The following DCC variants were observed in gnomAD, a reference collection of about 807,000 sequenced individuals.
The protein encoded by DCC is DCC netrin 1 receptor.
In DCC, 58 loss-of-function variants were observed where a neutral mutation model predicts 172.5. The observed-to-expected ratio is 0.34, with a 90% CI of 0.27 to 0.42. The LOEUF (loss-of-function observed/expected upper bound fraction) is 0.42, where lower values mean the gene tolerates loss of function less well. Among genes scored for constraint, DCC ranks in the 10% least tolerant of loss-of-function variants. DCC has a pLI of 1.00. For missense variants in DCC, 1,740 were observed against 1,791.0 expected (o/e 0.97, Z 0.51); for synonymous variants, 709 against 644.5 (o/e 1.10, Z -1.52).
chr18:53,222,390 T>TC (rs2055952849), intron 12 of DCC, among the ~76,000 whole-genome samples: 1 of 131,562 alleles, frequency 7.6e-6, no homozygotes, highest in Admixed American at 7.5e-5. Flanking sequence ...TTTCTTTTTT[T>TC]TTTTTTTTTT....
intron 5 of DCC, among the ~76,000 whole-genome samples, chr18:53,013,777 G>C (rs2041766597): frequency 1.3e-5 from 2 of 151,182 alleles, no homozygotes; most frequent in South Asian, 4.2e-4. Context: ...ATGTCATATA[G>C]CACACTTCCA....
intron 12 of DCC, among the ~76,000 whole-genome samples, chr18:53,294,384 C>T (rs972697377): frequency 2.6e-5 from 4 of 152,104 alleles, no homozygotes; most frequent in Non-Finnish European, 4.4e-5. Context: ...AGACAGTATC[C>T]AGAGAAGTGG....
intron 1 of DCC, among the ~76,000 whole-genome samples, chr18:52,523,967 G>T (rs2031900032): frequency 6.6e-6 from 1 of 152,148 alleles, no homozygotes; most frequent in Non-Finnish European, 1.5e-5. Context: ...AATGCTTCCT[G>T]CTCTTCTCAA....
At chr18:53,200,955 C>T (rs2055527918) in intron 9 of DCC, among the ~76,000 whole-genome samples, 2 of 152,144 alleles carry the variant, frequency 1.3e-5, no homozygotes, top group South Asian at 2.1e-4. Flanking sequence ...ACACTCCTTC[C>T]TTCTCAGCAA....
At chr18:53,323,913 A>G (rs1039267357) in intron 14 of DCC, among the ~76,000 whole-genome samples, 6 of 152,180 alleles carry the variant, frequency 3.9e-5, no homozygotes, top group African/African-American at 1.4e-4. Flanking sequence ...CAGAGTTGGC[A>G]TATGATGAAG....
chr18:52,567,267 A>G (rs1295186378), intron 1 of DCC, among the ~76,000 whole-genome samples: 1 of 152,182 alleles, frequency 6.6e-6, no homozygotes, highest in Non-Finnish European at 1.5e-5. Context: ...TTAAGTTGAT[A>G]AATTTATTAA....
In DCC at chr18:52,767,629, C is replaced by T. The variant is rs76143858; in HGVS notation, c.412+15255C>T. 5.3e-3 allele frequency among the ~76,000 whole-genome samples: 809 copies of T among 152,204 alleles called. 12 individuals carry two copies. Among genetic ancestry groups the T allele is most frequent in the African/African-American group, 0.018 (760 of 41,518 alleles). ...CTGCAAGCAGTTACTTTATTTTGCC[C>T]GAAGGTCTAAATTTGTTTCTTCCAA... On this transcript the variant is annotated intron_variant, in intron 2 of 28. Transcript: ENST00000442544.
At chr18:52,955,405 A>G (rs2040726416) in intron 5 of DCC, among the ~76,000 whole-genome samples, 2 of 152,010 alleles carry the variant, frequency 1.3e-5, no homozygotes, top group Admixed American at 6.6e-5. Context: ...GCACCAAATA[A>G]TATTCCACTG....
chr18:53,507,255 G>C (rs906404316), intron 27 of DCC, among the ~76,000 whole-genome samples: 1 of 152,184 alleles, frequency 6.6e-6, no homozygotes, highest in African/African-American at 2.4e-5. Context: ...TTGAAATAAA[G>C]TGCTCACATA....
At chr18:52,943,749 T>TTG (rs1555685254) in intron 5 of DCC, among the ~76,000 whole-genome samples, 4 of 151,810 alleles carry the variant, frequency 2.6e-5, no homozygotes, top group African/African-American at 4.8e-5. Flanking sequence ...TTTTTTTTTT[T>TTG]GTTTGTTTTG....
intron 2 of DCC, among the ~76,000 whole-genome samples, chr18:52,871,768 A>C (rs192941597): frequency 5.3e-5 from 8 of 152,324 alleles, no homozygotes; most frequent in African/African-American, 1.2e-4. Flanking sequence ...AGACAAGACT[A>C]TTTCTAGGAG....
At chr18:53,067,291 G>A (rs1417870813) in intron 7 of DCC, among the ~76,000 whole-genome samples, 3 of 152,012 alleles carry the variant, frequency 2.0e-5, no homozygotes, top group African/African-American at 7.2e-5. Context: ...GAGGCCAAGG[G>A]GTGAGGATGG....
intron 1 of DCC, among the ~76,000 whole-genome samples, chr18:52,429,887 A>G (rs1428622866): frequency 6.6e-6 from 1 of 152,114 alleles, no homozygotes; most frequent in Non-Finnish European, 1.5e-5. Context: ...ACAAGTCAAG[A>G]GGTGGGTAAG....
chr18:52,808,885 C>T (rs2038141064), intron 2 of DCC, among the ~76,000 whole-genome samples: 1 of 152,202 alleles, frequency 6.6e-6, no homozygotes, highest in Non-Finnish European at 1.5e-5. Context: ...TTTAGAGCTT[C>T]TCAACGGACT....
intron 9 of DCC, among the ~76,000 whole-genome samples, chr18:53,201,425 A>G (rs936350015): frequency 1.3e-5 from 2 of 152,136 alleles, no homozygotes; most frequent in Non-Finnish European, 2.9e-5. Context: ...GATCCCTCAC[A>G]TACGGCATAT....
rs770856556 is a variant in DCC, at chr18:53,428,556, TTATA to T, written c.3164-6580_3164-6577del. On this transcript the variant is annotated intron_variant, in intron 21 of 28. Transcript: ENST00000442544. ...GTATTTTATATATATATAAATATAT[TTATA>T]TATATATTTATATATATAAAATATA... Among the ~76,000 whole-genome samples the T allele has an allele frequency of 4.4e-5, 2 of 45,542 alleles. 1 individual carries two copies. Among genetic ancestry groups the T allele is most frequent in the African/African-American group, 1.3e-4 (2 of 15,018 alleles). The allele number at this position is 45,542 out of a possible 152,430, so 29.9% of individuals were successfully genotyped here. A position where few individuals can be genotyped will look rare whatever the true frequency, so the allele number is the denominator to read the frequency against.
chr18:53,073,226 T>TA (rs111946315), intron 7 of DCC, among the ~76,000 whole-genome samples: 8,737 of 150,858 alleles, frequency 0.058, 827 homozygotes, highest in African/African-American at 0.2. Context: ...GGAAGACAAA[T>TA]AAAAAAAAAT....
At chr18:52,559,027 C>T (rs912440272) in intron 1 of DCC, among the ~76,000 whole-genome samples, 1 of 152,200 alleles carries the variant, frequency 6.6e-6, no homozygotes, top group African/African-American at 2.4e-5. Flanking sequence ...CGTTTCTCCA[C>T]TACCCCAAAC....
intron 1 of DCC, among the ~76,000 whole-genome samples, chr18:52,584,822 G>A (rs1349842306): frequency 1.3e-5 from 2 of 151,614 alleles, no homozygotes; most frequent in Admixed American, 6.6e-5. Context: ...TTACCGAGAC[G>A]AGCCACTGCA....
Sources: gnomAD v4.1 joint callset for allele counts (sites outside exome capture counted in the v4.1 genomes callset) on GRCh38, gnomAD v4.1.1 for gene constraint, MANE v1.5 for transcripts, NCBI Gene and HGNC (gene_info 2026-07-23, HGNC 2026-07-21) for gene names.